Variants in DMXL1 observed in about 807,000 individuals in gnomAD.
DMXL1 encodes dmX-like protein 1.
DMXL1 carries 99 observed loss-of-function variants against 319.2 expected under a neutral mutation model. The ratio of observed to expected loss-of-function variants is 0.31; its 90% CI spans 0.26 to 0.37. The LOEUF (loss-of-function observed/expected upper bound fraction) is 0.37. Ranked by LOEUF, DMXL1 falls within the 10% of genes least tolerant of loss-of-function variation. The pLI is 1.00. For missense variants in DMXL1, 3,745 were observed against 3,595.6 expected (o/e 1.04, Z -1.06); for synonymous variants, 1,385 against 1,235.2 (o/e 1.12, Z -2.54).
At chr5:119,114,404 A>C in intron 5 of DMXL1, 71 bp from the exon 6 acceptor site, 1 of 1,103,978 alleles carries the variant, frequency 9.1e-7, no homozygotes, top group Non-Finnish European at 1.3e-6. Context: ...GCTGATTTAT[A>C]ATTTTGAGAA....
intron 38 of DMXL1, among the ~76,000 whole-genome samples, chr5:119,225,953 T>C (rs1424758596): frequency 6.6e-6 from 1 of 152,184 alleles, no homozygotes. Context: ...AAATACTTGA[T>C]ATTGCTTAAA....
At chr5:119,087,752 C>T (rs978644472) in intron 1 of DMXL1, among the ~76,000 whole-genome samples, 7 of 151,964 alleles carry the variant, frequency 4.6e-5, no homozygotes, top group Non-Finnish European at 8.8e-5. Context: ...GTTAAATTCT[C>T]CTACGTTATT....
In DMXL1 at chr5:119,116,264, C is replaced by G; in HGVS notation, c.671C>G (p.Ser224Cys). 4 of 1,613,926 alleles carry G rather than the reference C, an allele frequency of 2.5e-6. No individual in the cohort carries two copies. Among genetic ancestry groups the G allele is most frequent in the Non-Finnish European group, 3.4e-6 (4 of 1,179,940 alleles). The change falls in exon 7 of 44, where the codon TCT becomes TGT. Residue 224 changes from serine to cysteine, a missense_variant. Transcript: ENST00000539542. ...CAATCCCAAGGAGAAATTGACTTTT[C>G]TTTTGTGTATCTGGCCCATCCTCGA... ...EKQSQGEIDFSFVYLAHPRAV... is the reference protein window; with the variant it reads ...EKQSQGEIDFCFVYLAHPRAV...
At chr5:119,097,838 T>A (rs1295248204) in intron 1 of DMXL1, 141 bp from the exon 2 acceptor site, 1 of 763,764 alleles carries the variant, frequency 1.3e-6, no homozygotes, top group African/African-American at 1.8e-5. Flanking sequence ...AAATGTAGAT[T>A]TTTTTTTTAA....
chr5:119,189,363 T>A (rs1010121680), intron 28 of DMXL1, among the ~76,000 whole-genome samples: 3 of 151,950 alleles, frequency 2.0e-5, no homozygotes, highest in East Asian at 3.9e-4. Flanking sequence ...TGATAATCTT[T>A]AAAAAAAAGC....
At position 119,196,224 on chromosome 5, in the gene DMXL1, C is replaced by G. The variant is rs73244803; in HGVS notation, c.7458-147C>G. The G allele has an allele frequency of 0.018, 11,273 of 625,430 alleles. 972 individuals carry two copies. The African/African-American group carries it at 0.18, about 10-fold the overall frequency. 38.7% of individuals were successfully genotyped at this position (625,430 alleles called of 1,614,324 possible). On this transcript the variant is annotated intron_variant, in intron 30 of 43. Transcript: ENST00000539542. The stretch of plus-strand genomic sequence containing the variant: ...GCTATTGTAGATAAAGCTGACATGA[C>G]TACCTCTATGCATATATTATTTTGT...
chr5:119,212,214 C>T (rs1782923302), intron 34 of DMXL1, among the ~76,000 whole-genome samples: 1 of 152,172 alleles, frequency 6.6e-6, no homozygotes, highest in African/African-American at 2.4e-5. Flanking sequence ...GCTCCCCATT[C>T]CTCTGGCGCC....
chr5:119,195,062 C>CA (rs746257473), intron 30 of DMXL1, among the ~76,000 whole-genome samples: 172 of 139,336 alleles, frequency 1.2e-3, no homozygotes, highest in African/African-American at 3.1e-3. Context: ...GGATGGCTAC[C>CA]AAAAAAAAAA....
intron 1 of DMXL1, among the ~76,000 whole-genome samples, chr5:119,096,286 C>T (rs930586308): frequency 1.2e-4 from 18 of 151,784 alleles, no homozygotes; most frequent in African/African-American, 4.4e-4. Context: ...AAGCGATTCT[C>T]CTGCCTCAGC....
At chr5:119,084,958 A>AT (rs966724964) in intron 1 of DMXL1, among the ~76,000 whole-genome samples, 46 of 151,764 alleles carry the variant, frequency 3.0e-4, no homozygotes, top group African/African-American at 1.1e-3. Context: ...ATATCTTTCC[A>AT]TTTTTTGTGT....
At chr5:119,234,469 A>G (rs1336242205) in intron 39 of DMXL1, among the ~76,000 whole-genome samples, 1 of 151,920 alleles carries the variant, frequency 6.6e-6, no homozygotes, top group Non-Finnish European at 1.5e-5. Flanking sequence ...TCCTTTTATC[A>G]TTGTGTGCTG....
At chr5:119,099,322 T>C (rs1477256038) in intron 2 of DMXL1, among the ~76,000 whole-genome samples, 1 of 152,146 alleles carries the variant, frequency 6.6e-6, no homozygotes, top group African/African-American at 2.4e-5. Context: ...GCAATTCTCC[T>C]GCCTCAGCCT....
intron 10 of DMXL1, among the ~76,000 whole-genome samples, chr5:119,130,325 G>C (rs1040271127): frequency 6.6e-6 from 1 of 151,436 alleles, no homozygotes; most frequent in Non-Finnish European, 1.5e-5. Flanking sequence ...ATAATGTTCT[G>C]CACTTTGTGT....
intron 19 of DMXL1, among the ~76,000 whole-genome samples, chr5:119,160,150 T>A (rs1018029990): frequency 5.3e-5 from 8 of 152,118 alleles, no homozygotes; most frequent in Admixed American, 6.6e-5. Context: ...TATATATATA[T>A]ATATGGGGGG....
intron 39 of DMXL1, among the ~76,000 whole-genome samples, chr5:119,235,803 A>G (rs1787644658): frequency 6.6e-6 from 1 of 152,108 alleles, no homozygotes; most frequent in African/African-American, 2.4e-5. Flanking sequence ...ATATCCACAG[A>G]ATTCTGATGG....
intron 10 of DMXL1, among the ~76,000 whole-genome samples, chr5:119,132,002 G>T (rs958025953): frequency 4.6e-5 from 7 of 152,126 alleles, no homozygotes; most frequent in African/African-American, 1.7e-4. Context: ...AAAATAAAAA[G>T]AGTCTTCTTC....
chr5:119,196,494 C>A (rs1169979438), intron 31 of DMXL1, 38 bp downstream of exon 31: 7 of 1,079,530 alleles, frequency 6.5e-6, no homozygotes, highest in South Asian at 1.4e-5. Flanking sequence ...GGTGCCATTG[C>A]TTTTGACTTA....
chr5:119,073,628 A>G (rs1750148268), intron 1 of DMXL1, among the ~76,000 whole-genome samples: 1 of 152,146 alleles, frequency 6.6e-6, no homozygotes, highest in Admixed American at 6.5e-5. Flanking sequence ...TTAATCTCCC[A>G]CCAAGCCTAC....
At chr5:119,145,897 A>AT (rs1291936037) in intron 15 of DMXL1, among the ~76,000 whole-genome samples, 1 of 151,710 alleles carries the variant, frequency 6.6e-6, no homozygotes, top group Non-Finnish European at 1.5e-5. Flanking sequence ...TTATTGGAGC[A>AT]TTTTTTGTTG....
Sources: allele counts gnomAD v4.1 joint callset (sites outside exome capture counted in the v4.1 genomes callset), GRCh38; gene constraint gnomAD v4.1.1; transcripts MANE v1.5; gene names NCBI Gene and HGNC (gene_info 2026-07-23, HGNC 2026-07-21).